The following RALYL variants were observed in gnomAD, a reference collection of about 807,000 sequenced individuals.
RALYL encodes RNA-binding Raly-like protein.
A neutral mutation model predicts 35.1 loss-of-function variants in RALYL; 29 were observed. The ratio of observed to expected loss-of-function variants is 0.83; its 90% CI spans 0.61 to 1.13. RALYL has a LOEUF of 1.13. Among genes scored for constraint, RALYL ranks in the 50% most tolerant of loss-of-function variants. The probability of loss-of-function intolerance (pLI) is 0.00; values close to 1 mark genes in which losing one functional copy is unlikely to be tolerated. For missense variants in RALYL, 359 were observed against 360.4 expected, an observed-to-expected ratio of 1.00 and a Z score of 0.03; for synonymous variants, 120 against 127.6, an observed-to-expected ratio of 0.94 and a Z score of 0.40.
At chr8:84,860,286 T>A (rs1045805956) in intron 5 of RALYL, among the ~76,000 whole-genome samples, 2 of 152,218 alleles carry the variant, frequency 1.3e-5, no homozygotes, top group African/African-American at 2.4e-5. Flanking sequence ...ATTGGCTTGT[T>A]TAGTGAACCT....
chr8:84,914,265 C>T (rs922726136), intron 8 of RALYL, among the ~76,000 whole-genome samples: 9 of 152,000 alleles, frequency 5.9e-5, no homozygotes, highest in Non-Finnish European at 7.4e-5. Flanking sequence ...CTAGCATTAA[C>T]TTAGGCAATT....
intron 2 of RALYL, among the ~76,000 whole-genome samples, chr8:84,648,877 A>G (rs1828080218): frequency 6.6e-6 from 1 of 151,706 alleles, no homozygotes; most frequent in African/African-American, 2.4e-5. Context: ...TGGTGGTTCC[A>G]TCTACCTATC....
At chr8:84,276,313 C>G (rs906257181) in intron 1 of RALYL, among the ~76,000 whole-genome samples, 1 of 152,120 alleles carries the variant, frequency 6.6e-6, no homozygotes, top group African/African-American at 2.4e-5. Context: ...GAAAAGTGCT[C>G]TAGCATCTGT....
chr8:84,681,611 AATGGGAGTTC>A (rs1835515190), intron 2 of RALYL, among the ~76,000 whole-genome samples: 1 of 152,178 alleles, frequency 6.6e-6, no homozygotes, highest in African/African-American at 2.4e-5. Context: ...AGCAATTGTG[AATGGGAGTTC>A]ACTCATGATT....
chr8:84,813,778 T>TTAAG (rs1826457659), intron 4 of RALYL, among the ~76,000 whole-genome samples: 1 of 152,186 alleles, frequency 6.6e-6, no homozygotes, highest in Non-Finnish European at 1.5e-5. Context: ...TTTTAATACT[T>TTAAG]TAAGTTCTAG....
At chr8:84,615,685 G>A (rs1291860836) in intron 2 of RALYL, among the ~76,000 whole-genome samples, 3 of 134,296 alleles carry the variant, frequency 2.2e-5, no homozygotes, top group South Asian at 2.4e-4. Context: ...ATGCTGGTGC[G>A]CTGCACCCAC....
intron 1 of RALYL, among the ~76,000 whole-genome samples, chr8:84,335,190 G>T (rs1356741174): frequency 1.3e-5 from 2 of 152,118 alleles, no homozygotes; most frequent in Non-Finnish European, 2.9e-5. Context: ...AGCCTTCAGA[G>T]ATTCCTCACA....
intron 2 of RALYL, chr8:84,679,084 G>A: frequency 3.9e-6 from 1 of 259,520 alleles, no homozygotes; most frequent in Non-Finnish European, 7.7e-6. Flanking sequence ...TTTACAGGTT[G>A]CAAGGTGTAG....
chr8:84,790,862 C>T (rs1437313537), intron 3 of RALYL, among the ~76,000 whole-genome samples: 1 of 152,164 alleles, frequency 6.6e-6, no homozygotes, highest in African/African-American at 2.4e-5. Context: ...CAGTTGACCA[C>T]CTTTGATTGG....
rs1218521779 is a variant in RALYL at position 84,765,856 on chromosome 8, A to G, written c.257-8723A>G. The stretch of plus-strand genomic sequence containing the variant: ...TGATGAGGAAAAAAAAAAAACCCTA[A>G]GAATAAAGATTTGTCTTTTAACCAA... On this transcript the variant is annotated intron_variant, in intron 2 of 8. Coordinates refer to ENST00000521268, the MANE Select transcript of RALYL (RefSeq NM_173848.7). 2.0e-5 allele frequency among the ~76,000 whole-genome samples: 3 copies of G among 151,926 alleles called. No homozygotes were observed. In the East Asian group the frequency reaches 5.8e-4, roughly 29 times the overall value.
chr8:84,680,576 G>C (rs932469902), intron 2 of RALYL, among the ~76,000 whole-genome samples: 19 of 152,172 alleles, frequency 1.2e-4, no homozygotes, highest in African/African-American at 4.6e-4. Context: ...TTGTGGTTTT[G>C]ATTTGCATTT....
At chr8:84,815,832 C>T (rs1017749604) in intron 4 of RALYL, among the ~76,000 whole-genome samples, 3 of 151,592 alleles carry the variant, frequency 2.0e-5, no homozygotes, top group East Asian at 3.9e-4. Context: ...TCAGGAGATC[C>T]AGACCATCCT....
intron 6 of RALYL, among the ~76,000 whole-genome samples, chr8:84,871,944 T>C (rs1840273483): frequency 6.6e-6 from 1 of 152,194 alleles, no homozygotes; most frequent in Non-Finnish European, 1.5e-5. Flanking sequence ...TTTTGTTTTT[T>C]TATTTTTTCA....
At chr8:84,224,058 A>G (rs1823202907) in intron 1 of RALYL, among the ~76,000 whole-genome samples, 1 of 152,196 alleles carries the variant, frequency 6.6e-6, no homozygotes, top group South Asian at 2.1e-4. Context: ...ATCTTTTCCA[A>G]TCCTTCTGTT....
At chr8:84,412,345 T>C (rs1298387891) in intron 1 of RALYL, among the ~76,000 whole-genome samples, 1 of 151,954 alleles carries the variant, frequency 6.6e-6, no homozygotes, top group Non-Finnish European at 1.5e-5. Flanking sequence ...TTTCTGATAG[T>C]AGTAATAACA....
At chr8:84,594,866 T>A (rs150997240) in intron 2 of RALYL, among the ~76,000 whole-genome samples, 1 of 152,232 alleles carries the variant, frequency 6.6e-6, no homozygotes, top group Non-Finnish European at 1.5e-5. Flanking sequence ...CCTTTTCCAT[T>A]TAGAAAATTG....
rs1840124523 is a variant in RALYL at position 84,871,176 on chromosome 8, A to G, written c.572-2108A>G. 2.0e-5 allele frequency among the ~76,000 whole-genome samples: 3 copies of G among 152,190 alleles called. 1 individual carries two copies. The highest frequency in any genetic ancestry group is 4.1e-4 in the South Asian group (2 of 4,834). On this transcript the variant is annotated intron_variant, in intron 6 of 8. Transcript: ENST00000521268. ...CATAATAATCCAGCTGAGATCTGAA[A>G]GATGTTCTTTCAGTGCTAGACCTGA...
At chr8:84,702,411 G>A (rs545323478) in intron 2 of RALYL, among the ~76,000 whole-genome samples, 10 of 152,160 alleles carry the variant, frequency 6.6e-5, no homozygotes, top group South Asian at 2.1e-4. Context: ...TTACCTCTAC[G>A]TGTTCTCATT....
intron 1 of RALYL, among the ~76,000 whole-genome samples, chr8:84,356,454 C>T (rs1432652142): frequency 6.6e-6 from 1 of 150,378 alleles, no homozygotes; most frequent in Non-Finnish European, 1.5e-5. Context: ...CTCATTGCTA[C>T]ATTGCTACAA....
Sources: allele counts gnomAD v4.1 joint callset (sites outside exome capture counted in the v4.1 genomes callset), GRCh38; gene constraint gnomAD v4.1.1; transcripts MANE v1.5; gene names NCBI Gene and HGNC (gene_info 2026-07-23, HGNC 2026-07-21).